The following LGSN variants were observed in gnomAD, a reference collection of about 807,000 sequenced individuals.
LGSN encodes lengsin.
Under a neutral mutation model 19.5 loss-of-function variants are expected in LGSN, and 21 were observed. That is an observed-to-expected ratio of 1.07 (90% CI 0.76 to 1.55). The LOEUF is 1.55. Among genes scored for constraint, LGSN ranks in the 40% most tolerant of loss-of-function variants. LGSN has a pLI of 0.00. For synonymous variants in LGSN, 257 were observed against 215.6 expected, an observed-to-expected ratio of 1.19 and a Z score of -1.68; for missense variants, 673 against 608.5, an observed-to-expected ratio of 1.11 and a Z score of -1.12.
chr6:63,476,770 C>T, the LGSN span, among the ~76,000 whole-genome samples: 1 of 152,226 alleles, frequency 6.6e-6, no homozygotes, highest in Non-Finnish European at 1.5e-5. Flanking sequence ...GATATTGGCA[C>T]TGAACTTTAT....
the LGSN span, among the ~76,000 whole-genome samples, chr6:63,479,535 C>A: frequency 5.3e-3 from 813 of 151,964 alleles, 19 homozygotes; most frequent in East Asian, 0.072. Context: ...GTCAGGAGAT[C>A]GAGACCATCC....
At chr6:63,416,895 T>C in the LGSN span, among the ~76,000 whole-genome samples, 3 of 148,540 alleles carry the variant, frequency 2.0e-5, no homozygotes, top group African/African-American at 2.5e-5. Flanking sequence ...GAAATATATA[T>C]ATACACTTTA....
At chr6:63,443,025 C>A in the LGSN span, among the ~76,000 whole-genome samples, 5 of 152,334 alleles carry the variant, frequency 3.3e-5, no homozygotes, top group African/African-American at 1.2e-4. Flanking sequence ...GAGGCTCGGA[C>A]CATGTGGGAG....
chr6:63,564,763 G>T, the LGSN span, among the ~76,000 whole-genome samples: 1 of 152,096 alleles, frequency 6.6e-6, no homozygotes, highest in Non-Finnish European at 1.5e-5. Flanking sequence ...GGAGACTGTG[G>T]CCTTCCTGAT....
upstream of LGSN, among the ~76,000 whole-genome samples, chr6:63,324,534 A>T (rs946357915): frequency 1.8e-4 from 27 of 152,200 alleles, no homozygotes; most frequent in Non-Finnish European, 2.5e-4. Flanking sequence ...AAGTCTAAAC[A>T]AACTTTTAAA....
the LGSN span, among the ~76,000 whole-genome samples, chr6:63,449,320 G>A: frequency 6.6e-6 from 1 of 152,134 alleles, no homozygotes; most frequent in Admixed American, 6.5e-5. Context: ...GCCGAGGCGG[G>A]CGGATCACAA....
the LGSN span, among the ~76,000 whole-genome samples, chr6:63,428,909 C>T: frequency 6.6e-6 from 1 of 152,152 alleles, no homozygotes; most frequent in East Asian, 1.9e-4. Flanking sequence ...AGCAGCTGGG[C>T]ATGGTGGTGC....
the LGSN span, among the ~76,000 whole-genome samples, chr6:63,337,101 C>T: frequency 4.6e-5 from 7 of 150,688 alleles, no homozygotes; most frequent in South Asian, 1.5e-3. Context: ...TTTTTTGTAT[C>T]TTTAGTAGAG....
the LGSN span, among the ~76,000 whole-genome samples, chr6:63,565,126 C>A: frequency 3.9e-5 from 6 of 152,238 alleles, no homozygotes; most frequent in Admixed American, 2.0e-4. Context: ...AATCCTCCCA[C>A]CTCAACCTCC....
At chr6:63,295,624 C>A (rs2127388374) in intron 1 of LGSN, among the ~76,000 whole-genome samples, 2 of 152,212 alleles carry the variant, frequency 1.3e-5, no homozygotes, top group Non-Finnish European at 2.9e-5. Flanking sequence ...AACATCATAT[C>A]CAAACCATTT....
chr6:63,548,171 G>A, the LGSN span, among the ~76,000 whole-genome samples: 1 of 152,008 alleles, frequency 6.6e-6, no homozygotes, highest in African/African-American at 2.4e-5. Context: ...ATTTCCCTTA[G>A]CACTTTTTAT....
At chr6:63,520,859 A>G in the LGSN span, among the ~76,000 whole-genome samples, 1 of 152,156 alleles carries the variant, frequency 6.6e-6, no homozygotes, top group African/African-American at 2.4e-5. Context: ...GTAGTGCACT[A>G]CATGAACAAT....
chr6:63,334,358 C>A, the LGSN span, among the ~76,000 whole-genome samples: 1 of 152,114 alleles, frequency 6.6e-6, no homozygotes, highest in East Asian at 1.9e-4. Context: ...AAGACAATCT[C>A]ATTTACAATA....
chr6:63,449,919 T>A, the LGSN span, among the ~76,000 whole-genome samples: 6 of 152,094 alleles, frequency 3.9e-5, no homozygotes, highest in Non-Finnish European at 1.5e-5. Flanking sequence ...ATTTATCAAA[T>A]GAAAACATAC....
chr6:63,539,623 A>G, the LGSN span, among the ~76,000 whole-genome samples: 2 of 152,092 alleles, frequency 1.3e-5, no homozygotes, highest in Non-Finnish European at 2.9e-5. Context: ...TAAAATACAA[A>G]AAATATTAGC....
the LGSN span, among the ~76,000 whole-genome samples, chr6:63,499,350 A>C: frequency 1.3e-5 from 2 of 152,114 alleles, no homozygotes; most frequent in African/African-American, 4.8e-5. Flanking sequence ...TGCTAGTTCT[A>C]CTAGTGAGCA....
At chr6:63,315,907 G>T (rs1294601720) in intron 1 of LGSN, among the ~76,000 whole-genome samples, 1 of 151,078 alleles carries the variant, frequency 6.6e-6, no homozygotes, top group Non-Finnish European at 1.5e-5. Context: ...TCAAGTGAGA[G>T]TTCAATAGTA....
At chr6:63,389,767 C>A in the LGSN span, among the ~76,000 whole-genome samples, 1 of 152,106 alleles carries the variant, frequency 6.6e-6, no homozygotes, top group African/African-American at 2.4e-5. Flanking sequence ...TACTATTATT[C>A]CAATACAGAA....
the LGSN span, among the ~76,000 whole-genome samples, chr6:63,331,473 G>A: frequency 2.0e-5 from 3 of 152,158 alleles, no homozygotes; most frequent in African/African-American, 4.8e-5. Flanking sequence ...AATGGCTTAG[G>A]ATACATTTCA....
Sources: gnomAD v4.1 joint callset for allele counts (sites outside exome capture counted in the v4.1 genomes callset) on GRCh38, gnomAD v4.1.1 for gene constraint, MANE v1.5 for transcripts, NCBI Gene and HGNC (gene_info 2026-07-23, HGNC 2026-07-21) for gene names.